The following LMX1A variants were observed in gnomAD, a reference collection of about 807,000 sequenced individuals.
The protein encoded by LMX1A is LIM homeobox transcription factor 1-alpha.
A neutral mutation model predicts 49.1 loss-of-function variants in LMX1A; 15 were observed. That is an observed-to-expected ratio of 0.31 (90% CI 0.20 to 0.47). LMX1A has a LOEUF of 0.47. LMX1A is among the 20% of genes least tolerant of loss of function. The probability of loss-of-function intolerance (pLI) is 1.00; values close to 1 mark genes in which losing one functional copy is unlikely to be tolerated. For synonymous variants in LMX1A, 167 were observed against 185.7 expected, an observed-to-expected ratio of 0.90 and a Z score of 0.82; for missense variants, 372 against 475.8, an observed-to-expected ratio of 0.78 and a Z score of 2.03.
At chr1:165,307,916 T>A (rs779619186) in intron 3 of LMX1A, among the ~76,000 whole-genome samples, 1 of 152,176 alleles carries the variant, frequency 6.6e-6, no homozygotes, top group African/African-American at 2.4e-5. Flanking sequence ...AAAAAGACTG[T>A]GTGAAGGCCA....
At chr1:165,351,900 T>C (rs997416420) in intron 3 of LMX1A, among the ~76,000 whole-genome samples, 2 of 152,262 alleles carry the variant, frequency 1.3e-5, no homozygotes, top group Admixed American at 6.5e-5. Context: ...GAACTGCTTT[T>C]CACGCACGCT....
intron 2 of LMX1A, 147 bp from the exon 3 acceptor site, chr1:165,353,409 G>C: frequency 1.6e-6 from 1 of 630,634 alleles, no homozygotes; most frequent in Admixed American, 3.0e-5. Context: ...CAACCAAGCT[G>C]AAACCTGGAA....
intron 3 of LMX1A, among the ~76,000 whole-genome samples, chr1:165,297,826 G>A (rs1037954302): frequency 3.9e-5 from 6 of 152,132 alleles, no homozygotes; most frequent in Admixed American, 2.0e-4. Flanking sequence ...CCCCATCATC[G>A]GCATCAATGT....
intron 3 of LMX1A, among the ~76,000 whole-genome samples, chr1:165,321,084 C>T (rs761657905): frequency 3.9e-5 from 6 of 152,114 alleles, no homozygotes; most frequent in East Asian, 1.9e-4. Context: ...AGTACTGATA[C>T]GTGCTACACA....
rs760918780 is a variant in LMX1A at position 165,355,586 on chromosome 1, AGAG to A, written c.-22-8_-22-6del. 1.7e-5 allele frequency: 27 copies of A among 1,609,278 alleles called. No homozygotes were observed. Among genetic ancestry groups the A allele is most frequent in the East Asian group, 2.2e-5 (1 of 44,798 alleles). ...TTCGGGCCGGGCCGGGAGGACCTGT[AGAG>A]GAGAAGAAACGATGCGTCTGACGTC... On this transcript the variant is annotated splice_polypyrimidine_tract_variant and splice_region_variant and intron_variant, in intron 1 of 8. Coordinates refer to ENST00000342310, the MANE Select transcript of LMX1A (RefSeq NM_177398.4). This position sits in a 1 kb window ranked among gnomAD's most constrained non-coding sequence, Gnocchi z 4.7.
chr1:165,211,335 C>T (rs1170841355), intron 5 of LMX1A: 2 of 152,272 alleles, frequency 1.3e-5, no homozygotes, highest in East Asian at 3.9e-4. Context: ...CCGGCAGAGC[C>T]AGGTAGGCAA....
At chr1:165,319,041 A>C (rs1004152117) in intron 3 of LMX1A, among the ~76,000 whole-genome samples, 2 of 136,502 alleles carry the variant, frequency 1.5e-5, no homozygotes, top group East Asian at 2.2e-4. Context: ...ACACACACAC[A>C]CCCCAACTTC....
Position 165,201,902 on chromosome 1 carries a change from C to T in LMX1A, c.*1978G>A, listed in dbSNP as rs1020916205. On this transcript the variant is annotated 3_prime_UTR_variant, in exon 9 of 9. Coordinates refer to ENST00000342310, the MANE Select transcript of LMX1A (RefSeq NM_177398.4). Reference sequence around the variant, plus strand: ...GAGATTTTAATTTCATCTTGGTATGCCATTAAGGAGTGGAATAAGGATCTC... The same window carrying T: ...GAGATTTTAATTTCATCTTGGTATGTCATTAAGGAGTGGAATAAGGATCTC... 1 of 152,400 alleles carries T rather than the reference C, an allele frequency of 6.6e-6. No individual in the cohort carries two copies. The highest frequency in any genetic ancestry group is 6.5e-5 in the Admixed American group (1 of 15,280). 9.4% of individuals were successfully genotyped at this position (152,400 alleles called of 1,614,324 possible). A position where few individuals can be genotyped will look rare whatever the true frequency, so the allele number is the denominator to read the frequency against.
chr1:165,261,089 C>T (rs138345131), intron 3 of LMX1A, among the ~76,000 whole-genome samples: 1 of 152,166 alleles, frequency 6.6e-6, no homozygotes, highest in Non-Finnish European at 1.5e-5. Context: ...AGCCTGTGCA[C>T]AGAAGCTCAG....
At chr1:165,321,125 A>G (rs1404701276) in intron 3 of LMX1A, among the ~76,000 whole-genome samples, 6 of 152,120 alleles carry the variant, frequency 3.9e-5, no homozygotes, top group Non-Finnish European at 2.9e-5. Flanking sequence ...TATGCTGAGT[A>G]AAAGAAGTCA....
intron 5 of LMX1A, among the ~76,000 whole-genome samples, chr1:165,211,561 T>A (rs1201741891): frequency 6.6e-6 from 1 of 152,136 alleles, no homozygotes; most frequent in Non-Finnish European, 1.5e-5. Flanking sequence ...GGAGATGGGA[T>A]TGAAAGAGCT....
intron 3 of LMX1A, among the ~76,000 whole-genome samples, chr1:165,309,325 C>T (rs1272235289): frequency 2.0e-5 from 3 of 152,154 alleles, no homozygotes; most frequent in African/African-American, 4.8e-5. Flanking sequence ...ACTTTAATAA[C>T]AAAAACCTGG....
chr1:165,266,147 G>T (rs541749236), intron 3 of LMX1A, among the ~76,000 whole-genome samples: 2 of 152,270 alleles, frequency 1.3e-5, no homozygotes, highest in South Asian at 4.2e-4. Context: ...AAACAAATTG[G>T]TACCAACTAA....
At chr1:165,227,663 G>GA (rs1217071201) in intron 4 of LMX1A, among the ~76,000 whole-genome samples, 14 of 152,024 alleles carry the variant, frequency 9.2e-5, no homozygotes, top group African/African-American at 3.1e-4. Context: ...GCTGTTTTGG[G>GA]AAAAAAGTAC....
chr1:165,316,071 C>T (rs1655210300), intron 3 of LMX1A, among the ~76,000 whole-genome samples: 1 of 152,170 alleles, frequency 6.6e-6, no homozygotes, highest in Non-Finnish European at 1.5e-5. Flanking sequence ...ATAGACACCC[C>T]CTCACCCACA....
chr1:165,271,302 G>A (rs1223105351), intron 3 of LMX1A, among the ~76,000 whole-genome samples: 1 of 152,176 alleles, frequency 6.6e-6, no homozygotes, highest in Non-Finnish European at 1.5e-5. Context: ...GCAGGTATTA[G>A]GTAGCAAGCT....
At chr1:165,238,006 G>A (rs1271942016) in intron 4 of LMX1A, among the ~76,000 whole-genome samples, 5 of 152,170 alleles carry the variant, frequency 3.3e-5, no homozygotes, top group African/African-American at 9.7e-5. Context: ...TGAAGTCATG[G>A]GTTGGCTCTG....
At chr1:165,220,411 A>G (rs894687125) in intron 4 of LMX1A, among the ~76,000 whole-genome samples, 1 of 152,224 alleles carries the variant, frequency 6.6e-6, no homozygotes. Flanking sequence ...TACAAAGGAC[A>G]GGAAGGAAAG....
intron 4 of LMX1A, among the ~76,000 whole-genome samples, chr1:165,219,285 G>C (rs1651751686): frequency 6.6e-6 from 1 of 152,168 alleles, no homozygotes; most frequent in South Asian, 2.1e-4. Flanking sequence ...AGAGATATCT[G>C]AGCTTGGCCT....
Sources: allele counts gnomAD v4.1 joint callset (sites outside exome capture counted in the v4.1 genomes callset), GRCh38; gene constraint gnomAD v4.1.1; non-coding constraint Gnocchi (gnomAD v3.1); transcripts MANE v1.5; gene names NCBI Gene and HGNC (gene_info 2026-07-23, HGNC 2026-07-21).